The following TBC1D22A variants were observed in gnomAD, a reference collection of about 807,000 sequenced individuals.
TBC1D22A encodes the protein putative GTPase activator.
TBC1D22A carries 38 observed loss-of-function variants against 60.2 expected under a neutral mutation model. The ratio of observed to expected loss-of-function variants is 0.63; its 90% CI spans 0.49 to 0.83. The LOEUF (loss-of-function observed/expected upper bound fraction) is 0.83. TBC1D22A is among the 40% of genes least tolerant of loss of function. The pLI, the probability that TBC1D22A is intolerant of heterozygous loss-of-function variation, is 0.00. For synonymous variants in TBC1D22A, 302 were observed against 281.7 expected (o/e 1.07, Z -0.72); for missense variants, 628 against 701.0 (o/e 0.90, Z 1.18).
intron 4 of TBC1D22A, among the ~76,000 whole-genome samples, chr22:46,860,855 A>G (rs569317961): frequency 1.3e-4 from 20 of 152,226 alleles, no homozygotes; most frequent in African/African-American, 4.3e-4. Flanking sequence ...TGTGGTGTTG[A>G]GTGGGGGTTA....
intron 11 of TBC1D22A, among the ~76,000 whole-genome samples, chr22:47,045,023 G>T (rs950146554): frequency 2.6e-5 from 4 of 152,226 alleles, no homozygotes; most frequent in Admixed American, 6.5e-5. Flanking sequence ...CCAAGTGGGC[G>T]CTCGGGACCC....
At chr22:46,977,396 TTGGGGTGAGTCAGCATCACCC>T (rs1602762511) in intron 9 of TBC1D22A, among the ~76,000 whole-genome samples, 2 of 152,236 alleles carry the variant, frequency 1.3e-5, no homozygotes, top group East Asian at 3.9e-4. Flanking sequence ...GCGGAAGACT[TTGGGGTGAGTCAGCATCACCC>T]CTCTGTCCCC....
chr22:46,941,733 A>G (rs1011100209), intron 8 of TBC1D22A, among the ~76,000 whole-genome samples: 15 of 145,120 alleles, frequency 1.0e-4, no homozygotes, highest in South Asian at 2.1e-4. Context: ...GAATGTATAT[A>G]CGGAATATAT....
chr22:47,044,804 A>G (rs131896), intron 11 of TBC1D22A, among the ~76,000 whole-genome samples: 107,030 of 151,856 alleles, frequency 0.7, 38,212 homozygotes, highest in East Asian at 0.92. Context: ...TGGGGATTTA[A>G]TGCTGTATTT....
At chr22:46,994,095 G>A (rs142843912) in intron 9 of TBC1D22A, among the ~76,000 whole-genome samples, 1 of 152,208 alleles carries the variant, frequency 6.6e-6, no homozygotes, top group East Asian at 1.9e-4. Flanking sequence ...AGACCTTTTC[G>A]TTATTGGCTC....
At chr22:47,099,179 T>A (rs2065310605) in intron 11 of TBC1D22A, among the ~76,000 whole-genome samples, 1 of 152,194 alleles carries the variant, frequency 6.6e-6, no homozygotes, top group Non-Finnish European at 1.5e-5. Context: ...GTGCAGACCC[T>A]GCTCTTCAGA....
intron 7 of TBC1D22A, among the ~76,000 whole-genome samples, chr22:46,899,446 C>CA (rs1282599306): frequency 2.7e-4 from 35 of 131,570 alleles, no homozygotes; most frequent in East Asian, 1.4e-3. Flanking sequence ...TACTTCGTCT[C>CA]AAAAAAAAAA....
At chr22:46,890,352 A>C (rs922774162) in intron 5 of TBC1D22A, among the ~76,000 whole-genome samples, 9 of 152,092 alleles carry the variant, frequency 5.9e-5, no homozygotes, top group Non-Finnish European at 7.4e-5. Context: ...TAAATGAATA[A>C]ATAAATAAAT....
At chr22:46,882,933 A>G (rs2067923377) in intron 5 of TBC1D22A, among the ~76,000 whole-genome samples, 1 of 152,250 alleles carries the variant, frequency 6.6e-6, no homozygotes, top group Non-Finnish European at 1.5e-5. Flanking sequence ...ACTTCAATGA[A>G]GAAGGACGAG....
rs75573029 is a variant in TBC1D22A, at chr22:47,034,920, C to T, written c.1202-2151C>T. ...GCGTGTGACGCTCTTTGCTTGCAGC[C>T]GACTCTGGCACTGATGCGTCAGGCT... is the stretch of plus-strand genomic sequence containing the variant. On this transcript the variant is annotated intron_variant, in intron 10 of 12. Coordinates refer to ENST00000337137, the MANE Select transcript of TBC1D22A (RefSeq NM_014346.5). Among the ~76,000 whole-genome samples the T allele has an allele frequency of 2.0e-3, 309 of 152,256 alleles. 3 individuals are homozygous for T. Among genetic ancestry groups the T allele is most frequent in the African/African-American group, 7.2e-3 (299 of 41,542 alleles).
chr22:47,072,060 GA>G (rs1254251280), intron 11 of TBC1D22A, among the ~76,000 whole-genome samples: 2 of 150,686 alleles, frequency 1.3e-5, no homozygotes, highest in African/African-American at 5.0e-5. Flanking sequence ...CATTTGTCAT[GA>G]ATACTCAGAT....
At chr22:46,946,345 G>C (rs932400124) in intron 8 of TBC1D22A, among the ~76,000 whole-genome samples, 1 of 152,220 alleles carries the variant, frequency 6.6e-6, no homozygotes, top group Non-Finnish European at 1.5e-5. Context: ...GGCTGTAAGA[G>C]GTTGCAGGAG....
At chr22:47,084,307 G>A (rs539857244) in intron 11 of TBC1D22A, among the ~76,000 whole-genome samples, 13 of 152,322 alleles carry the variant, frequency 8.5e-5, no homozygotes, top group Middle Eastern at 3.4e-3. Flanking sequence ...AATTCTTCCC[G>A]AGGTGCCACT....
intron 11 of TBC1D22A, among the ~76,000 whole-genome samples, chr22:47,060,081 G>A (rs1379476368): frequency 6.6e-6 from 1 of 152,162 alleles, no homozygotes; most frequent in East Asian, 1.9e-4. Flanking sequence ...GGACAGGACT[G>A]TGGCAGTTTA....
chr22:47,014,055 G>A (rs2061831092), intron 10 of TBC1D22A, among the ~76,000 whole-genome samples: 1 of 152,216 alleles, frequency 6.6e-6, no homozygotes, highest in Non-Finnish European at 1.5e-5. Flanking sequence ...TGCAGGGATG[G>A]CTGTGGGGTC....
chr22:46,943,858 G>T (rs2072337273), intron 8 of TBC1D22A, among the ~76,000 whole-genome samples: 1 of 152,134 alleles, frequency 6.6e-6, no homozygotes, highest in Admixed American at 6.5e-5. Context: ...ATGTTTTTGA[G>T]GTTCGCCGGT....
chr22:46,904,854 C>A (rs941386729), intron 7 of TBC1D22A, among the ~76,000 whole-genome samples: 4 of 148,790 alleles, frequency 2.7e-5, no homozygotes, highest in African/African-American at 5.0e-5. Context: ...AGCTCACTGC[C>A]AGCTCCACCT....
chr22:47,171,930 C>G (rs769077399), intron 12 of TBC1D22A, among the ~76,000 whole-genome samples: 3 of 121,070 alleles, frequency 2.5e-5, no homozygotes, highest in Non-Finnish European at 4.0e-5. Flanking sequence ...GAGACACGGC[C>G]CAGCTGCAGG....
At chr22:46,836,418 C>G (rs1308831930) in intron 4 of TBC1D22A, among the ~76,000 whole-genome samples, 1 of 151,980 alleles carries the variant, frequency 6.6e-6, no homozygotes, top group Non-Finnish European at 1.5e-5. Context: ...ATGGTTAGCA[C>G]TATGCATTTT....
Sources: gnomAD v4.1 joint callset for allele counts (sites outside exome capture counted in the v4.1 genomes callset) on GRCh38, gnomAD v4.1.1 for gene constraint, MANE v1.5 for transcripts, NCBI Gene and HGNC (gene_info 2026-07-23, HGNC 2026-07-21) for gene names.